The following CTBP2 variants were observed in gnomAD, a reference collection of about 807,000 sequenced individuals.
The protein encoded by CTBP2 is C-terminal binding protein 2.
In CTBP2, 30 loss-of-function variants were observed where a neutral mutation model predicts 80.3. The observed-to-expected ratio is 0.37, with a 90% CI of 0.28 to 0.51. The LOEUF (loss-of-function observed/expected upper bound fraction) is 0.51, where lower values mean the gene tolerates loss of function less well. CTBP2 is among the 20% of genes least tolerant of loss of function. The probability of loss-of-function intolerance (pLI) is 0.93; values close to 1 mark genes in which losing one functional copy is unlikely to be tolerated. For synonymous variants in CTBP2, 594 were observed against 587.4 expected (o/e 1.01, Z -0.16); for missense variants, 1,212 against 1,375.3 (o/e 0.88, Z 1.88).
chr10:125,133,332 T>G (rs1256861296), intron 1 of CTBP2, among the ~76,000 whole-genome samples: 1 of 152,130 alleles, frequency 6.6e-6, no homozygotes, highest in Non-Finnish European at 1.5e-5. Flanking sequence ...AGACCCAGCC[T>G]CCTCCTCAGA....
At chr10:125,014,448 C>T (rs1211371576) in intron 1 of CTBP2, among the ~76,000 whole-genome samples, 2 of 152,232 alleles carry the variant, frequency 1.3e-5, no homozygotes, top group Non-Finnish European at 2.9e-5. Flanking sequence ...TGAGACTTGG[C>T]TCTAAAAAAT....
At chr10:125,044,007 C>G (rs140560024) in intron 2 of CTBP2, among the ~76,000 whole-genome samples, 1 of 152,170 alleles carries the variant, frequency 6.6e-6, no homozygotes, top group Non-Finnish European at 1.5e-5. Context: ...AGTGTGTCCC[C>G]GGAGAACTCA....
intron 2 of CTBP2, among the ~76,000 whole-genome samples, chr10:125,108,287 C>A (rs562608802): frequency 6.6e-6 from 1 of 152,308 alleles, no homozygotes; most frequent in African/African-American, 2.4e-5. Context: ...AAGTCTAGCA[C>A]AACAGGAATG....
Position 124,991,541 on chromosome 10 carries a change from A to G in CTBP2, c.2777+1154T>C, listed in dbSNP as rs1952617027. Reference sequence around the variant, plus strand: ...CTGCAAGCACCGGCATAGCTTCTTCAAGAGTGTCAGAGCCTTCATTACACA... The same window carrying G: ...CTGCAAGCACCGGCATAGCTTCTTCGAGAGTGTCAGAGCCTTCATTACACA... On this transcript the variant is annotated intron_variant, in intron 8 of 8. Transcript: ENST00000309035. Among the ~76,000 whole-genome samples the G allele has an allele frequency of 1.3e-5, 2 of 152,206 alleles. 1 individual carries two copies. Among genetic ancestry groups the G allele is most frequent in the South Asian group, 4.1e-4 (2 of 4,834 alleles).
intron 4 of CTBP2, chr10:124,997,449 A>T: frequency 6.0e-6 from 1 of 165,758 alleles, no homozygotes; most frequent in Admixed American, 5.6e-5. Context: ...GCCTCTCCTC[A>T]CGTCTCCTTT....
At chr10:125,050,067 CATCA>C (rs996003711) in intron 2 of CTBP2, among the ~76,000 whole-genome samples, 1 of 49,840 alleles carries the variant, frequency 2.0e-5, no homozygotes, top group Non-Finnish European at 3.6e-5. Context: ...AGGCATCACT[CATCA>C]TGCAAAGGCT....
chr10:125,063,601 C>T lies in CTBP2; in HGVS notation c.-101-24446G>A, dbSNP rs117657338. On this transcript the variant is annotated intron_variant, in intron 2 of 10. Transcript: ENST00000337195. ...CTACAGTAGTAAAAATTAATTGCCA[C>T]ATAAAATTGCTGATTCCTACCAAAT... Among the ~76,000 whole-genome samples, 960 of 152,322 alleles carry T rather than the reference C, an allele frequency of 6.3e-3. 5 individuals are homozygous for T. The highest frequency in any genetic ancestry group is 0.02 in the Middle Eastern group (6 of 294).
At chr10:125,151,702 C>CTG (rs1859919255) in intron 1 of CTBP2, among the ~76,000 whole-genome samples, 1 of 152,192 alleles carries the variant, frequency 6.6e-6, no homozygotes, top group Non-Finnish European at 1.5e-5. Context: ...AACCAGGTCC[C>CTG]CGCCCCTGCT....
intron 4 of CTBP2, among the ~76,000 whole-genome samples, chr10:124,995,547 A>C (rs1236107637): frequency 6.6e-6 from 1 of 152,136 alleles, no homozygotes; most frequent in African/African-American, 2.4e-5. Flanking sequence ...AAAGATGCGC[A>C]TTTCCGAGCA....
At chr10:125,110,344 G>A (rs1852094696) in intron 2 of CTBP2, among the ~76,000 whole-genome samples, 1 of 152,182 alleles carries the variant, frequency 6.6e-6, no homozygotes, top group South Asian at 2.1e-4. Context: ...AATGGCTAAA[G>A]ACATGCCGAA....
intron 2 of CTBP2, among the ~76,000 whole-genome samples, chr10:125,052,458 T>C (rs1963009276): frequency 6.6e-6 from 1 of 152,178 alleles, no homozygotes; most frequent in South Asian, 2.1e-4. Context: ...GTTCTAACCT[T>C]ATTTCCCTTA....
intron 1 of CTBP2, among the ~76,000 whole-genome samples, chr10:125,013,532 G>A (rs146840684): frequency 8.1e-4 from 123 of 152,222 alleles, no homozygotes; most frequent in Middle Eastern, 3.4e-3. Flanking sequence ...GGTAACAAAG[G>A]GATGGTAAAC....
Position 125,003,005 on chromosome 10 carries a change from C to G in CTBP2, c.1933G>C (p.Gly645Arg). The G allele has an allele frequency of 6.2e-7, 1 of 1,613,960 alleles. No homozygotes were observed. The highest frequency in any genetic ancestry group is 8.5e-7 in the Non-Finnish European group (1 of 1,180,014). ...ATGTCCACGTTGTCATAGCCACTGC[C>G]TATCCGCACGATCACTCTCAGGGCC... is the stretch of plus-strand genomic sequence containing the variant. The change falls in exon 3 of 9, where the codon GGC becomes CGC. Residue 645 changes from glycine (G) to arginine (R), a missense_variant. By Grantham distance (125) the Gly-to-Arg change is moderately radical. Transcript: ENST00000309035.
chr10:125,081,005 G>A lies in CTBP2; in HGVS notation c.-102+29985C>T, dbSNP rs562567165. Among the ~76,000 whole-genome samples, 6 of 150,924 alleles carry A rather than the reference G, an allele frequency of 4.0e-5. No homozygotes were observed. The South Asian group carries it at 1.0e-3, about 26-fold the overall frequency. ...TAATAGCTTTACAGTGGAGAAAGAC[G>A]GACTCGATCTTAGCCAAGTGATCAA... On this transcript the variant is annotated intron_variant, in intron 2 of 10. Transcript: ENST00000337195.
At chr10:125,004,656 CTCA>C (rs1160758774) in intron 1 of CTBP2, among the ~76,000 whole-genome samples, 3 of 152,140 alleles carry the variant, frequency 2.0e-5, no homozygotes, top group African/African-American at 7.2e-5. Context: ...AACTTTGGGG[CTCA>C]TCAACTTTTC....
At position 124,986,282 on chromosome 10, in the gene CTBP2, CGCGCG is replaced by C; in HGVS notation, c.*3231_*3235del. The C allele has an allele frequency of 2.3e-4, 1 of 4,396 alleles. No homozygotes were observed. The allele number at this position is 4,396 out of a possible 1,614,324, so 0.3% of individuals were successfully genotyped here. A position where few individuals can be genotyped will look rare whatever the true frequency, so the allele number is the denominator to read the frequency against. ...AATTTGGAAAGACGACACACGCACG[CGCGCG>C]CGCGCACACACACACACACACACAC... On this transcript the variant is annotated 3_prime_UTR_variant, in exon 9 of 9. Coordinates refer to ENST00000309035, the MANE Select transcript of CTBP2 (RefSeq NM_022802.3).
At chr10:125,106,119 G>A (rs71488652) in intron 2 of CTBP2, among the ~76,000 whole-genome samples, 28,600 of 152,174 alleles carry the variant, frequency 0.19, 2,747 homozygotes, top group Middle Eastern at 0.26. Context: ...GGGCACAAGG[G>A]GGTCTCCACC....
intron 2 of CTBP2, among the ~76,000 whole-genome samples, chr10:125,076,244 C>T (rs957745501): frequency 3.3e-5 from 5 of 152,226 alleles, no homozygotes; most frequent in African/African-American, 1.2e-4. Flanking sequence ...TGGCTTAAGG[C>T]TCCAACCCTG....
chr10:125,058,947 C>G (rs952747080), intron 2 of CTBP2, among the ~76,000 whole-genome samples: 1 of 152,140 alleles, frequency 6.6e-6, no homozygotes, highest in Non-Finnish European at 1.5e-5. Flanking sequence ...ATTCTTCACA[C>G]GGAGATTCCA....
Sources: gnomAD v4.1 joint callset for allele counts (sites outside exome capture counted in the v4.1 genomes callset) on GRCh38, gnomAD v4.1.1 for gene constraint, MANE v1.5 for transcripts, NCBI Gene and HGNC (gene_info 2026-07-23, HGNC 2026-07-21) for gene names.